Variants in SUPT3H observed in about 807,000 individuals in gnomAD.
The protein encoded by SUPT3H is transcription initiation protein SPT3 homolog.
In SUPT3H, 44 loss-of-function variants were observed where a neutral mutation model predicts 44.3. That is an observed-to-expected ratio of 0.99 (90% CI 0.78 to 1.28). SUPT3H has a LOEUF of 1.28. Ranked by LOEUF, SUPT3H falls within the 50% of genes most tolerant of loss-of-function variation. SUPT3H has a pLI of 0.00. For synonymous variants in SUPT3H, 124 were observed against 125.6 expected (o/e 0.99, Z 0.09); for missense variants, 380 against 387.1 (o/e 0.98, Z 0.15).
chr6:45,166,926 G>A (rs1809982471), intron 2 of SUPT3H, among the ~76,000 whole-genome samples: 1 of 152,138 alleles, frequency 6.6e-6, no homozygotes, highest in African/African-American at 2.4e-5. Flanking sequence ...TTGCTTGCAG[G>A]GAAGTAAAGT....
At chr6:45,279,619 C>G (rs548791295) in intron 2 of SUPT3H, among the ~76,000 whole-genome samples, 7 of 152,254 alleles carry the variant, frequency 4.6e-5, no homozygotes, top group African/African-American at 1.7e-4. Context: ...CTTTCTGAGG[C>G]ATCATAAGAA....
chr6:45,296,078 C>A (rs569047194), intron 2 of SUPT3H, among the ~76,000 whole-genome samples: 1 of 152,024 alleles, frequency 6.6e-6, no homozygotes, highest in African/African-American at 2.4e-5. Flanking sequence ...AACCCAGATG[C>A]CCATCAATCA....
chr6:45,162,069 G>C (rs187126653), intron 2 of SUPT3H, among the ~76,000 whole-genome samples: 79 of 152,050 alleles, frequency 5.2e-4, no homozygotes, highest in South Asian at 1.2e-3. Context: ...AACTGACAAA[G>C]GTAATGCCAC....
chr6:45,208,683 C>T (rs1157985163), intron 2 of SUPT3H, among the ~76,000 whole-genome samples: 1 of 150,126 alleles, frequency 6.7e-6, no homozygotes, highest in Non-Finnish European at 1.5e-5. Context: ...AAGATCATAC[C>T]ACTGTACTCC....
chr6:44,885,903 A>G (rs955264093), intron 10 of SUPT3H, among the ~76,000 whole-genome samples: 1 of 152,174 alleles, frequency 6.6e-6, no homozygotes, highest in Non-Finnish European at 1.5e-5. Context: ...AGAATAACCA[A>G]TACACAGAAG....
At chr6:45,116,513 T>A (rs1800865620) in intron 2 of SUPT3H, among the ~76,000 whole-genome samples, 1 of 152,178 alleles carries the variant, frequency 6.6e-6, no homozygotes. Flanking sequence ...CCTGTCCCTC[T>A]GCATCTTGGA....
chr6:45,124,889 T>C (rs980998115), intron 2 of SUPT3H, among the ~76,000 whole-genome samples: 1 of 152,066 alleles, frequency 6.6e-6, no homozygotes, highest in Non-Finnish European at 1.5e-5. Flanking sequence ...CGAATAGGAC[T>C]GGTATCCTTA....
intron 2 of SUPT3H, among the ~76,000 whole-genome samples, chr6:45,301,802 T>C (rs1186309519): frequency 2.0e-5 from 3 of 152,218 alleles, no homozygotes. Context: ...TTTGTTTTAA[T>C]ATAACTAGAA....
chr6:44,902,471 A>G (rs1400794591), intron 10 of SUPT3H, among the ~76,000 whole-genome samples: 1 of 152,208 alleles, frequency 6.6e-6, no homozygotes, highest in Non-Finnish European at 1.5e-5. Flanking sequence ...CAATTCAACA[A>G]GAAGAGCTAA....
chr6:45,171,649 T>C (rs932481038), intron 2 of SUPT3H, among the ~76,000 whole-genome samples: 6 of 147,422 alleles, frequency 4.1e-5, no homozygotes, highest in African/African-American at 1.0e-4. Flanking sequence ...CTAGCTGTCA[T>C]AAAATGCAGA....
At chr6:45,323,336 T>A (rs1241302986) in intron 2 of SUPT3H, among the ~76,000 whole-genome samples, 102 of 152,254 alleles carry the variant, frequency 6.7e-4, no homozygotes, top group African/African-American at 2.4e-3. Context: ...TGGATTAAGA[T>A]TTATAAACGG....
chr6:45,008,613 C>T (rs1783043956), intron 5 of SUPT3H, among the ~76,000 whole-genome samples: 1 of 152,038 alleles, frequency 6.6e-6, no homozygotes, highest in South Asian at 2.1e-4. Flanking sequence ...CCTCAGCCTC[C>T]CAAAATGCTG....
intron 5 of SUPT3H, among the ~76,000 whole-genome samples, chr6:45,005,301 T>C (rs1223264234): frequency 6.6e-6 from 1 of 152,210 alleles, no homozygotes; most frequent in African/African-American, 2.4e-5. Flanking sequence ...TGTCTAGTTT[T>C]ATCCTTTGCC....
At chr6:44,884,450 T>A (rs1244410562) in intron 10 of SUPT3H, among the ~76,000 whole-genome samples, 3 of 152,128 alleles carry the variant, frequency 2.0e-5, no homozygotes, top group Non-Finnish European at 4.4e-5. Flanking sequence ...GTGTGGCGAT[T>A]CCTCCAGGAT....
intron 2 of SUPT3H, among the ~76,000 whole-genome samples, chr6:45,179,865 T>C (rs1230517975): frequency 6.6e-6 from 1 of 152,136 alleles, no homozygotes; most frequent in Admixed American, 6.5e-5. Flanking sequence ...GGAAGTTCTG[T>C]CCAGGGCAAT....
chr6:44,895,994 TTGTATA>T (rs1764072430), intron 10 of SUPT3H, among the ~76,000 whole-genome samples: 1 of 152,170 alleles, frequency 6.6e-6, no homozygotes, highest in Admixed American at 6.5e-5. Flanking sequence ...GAAGGAGGGA[TTGTATA>T]TGTCCCATGG....
At chr6:45,314,372 A>G (rs1448575843) in intron 2 of SUPT3H, among the ~76,000 whole-genome samples, 1 of 152,154 alleles carries the variant, frequency 6.6e-6, no homozygotes, top group Non-Finnish European at 1.5e-5. Flanking sequence ...TGCTGACAAT[A>G]TGATTGTTTA....
chr6:44,892,684 A>G (rs2153442689), intron 10 of SUPT3H, among the ~76,000 whole-genome samples: 1 of 152,294 alleles, frequency 6.6e-6, no homozygotes, highest in South Asian at 2.1e-4. Context: ...ACTACTGTCA[A>G]ACCTTTCATT....
At chr6:44,877,083 A>C (rs1777429116) in intron 10 of SUPT3H, among the ~76,000 whole-genome samples, 1 of 152,200 alleles carries the variant, frequency 6.6e-6, no homozygotes, top group African/African-American at 2.4e-5. Context: ...ATGTCAAATA[A>C]TGTAGCCTTC....
Sources: gnomAD v4.1 joint callset for allele counts (sites outside exome capture counted in the v4.1 genomes callset) on GRCh38, gnomAD v4.1.1 for gene constraint, MANE v1.5 for transcripts, NCBI Gene and HGNC (gene_info 2026-07-23, HGNC 2026-07-21) for gene names.